The following RPS13 variants were observed in gnomAD, a reference collection of about 807,000 sequenced individuals.
The protein encoded by RPS13 is ribosomal protein S13, also known as small ribosomal subunit protein uS15.
RPS13 carries 1 observed loss-of-function variant against 24.6 expected under a neutral mutation model. The observed-to-expected ratio is 0.04, with a 90% confidence interval of 0.01 to 0.19. The LOEUF is 0.19. RPS13 is among the 10% of genes least tolerant of loss of function. RPS13 has a pLI of 1.00. For missense variants in RPS13, 88 were observed against 187.4 expected (o/e 0.47, Z 3.10); for synonymous variants, 69 against 65.3 (o/e 1.06, Z -0.27).
chr11:17,075,157 C>T lies in RPS13; in HGVS notation c.362G>A (p.Arg121Gln), dbSNP rs747066249. 3 of 1,610,910 alleles carry T rather than the reference C, an allele frequency of 1.9e-6. No homozygotes were observed. The highest frequency in any genetic ancestry group is 1.7e-5 in the Admixed American group (1 of 58,968). ...ATAATATCGAGCCAAACGGTGAATC[C>T]GGCTCTCTATTAGAATCAGACGGAA... The part of the protein sequence containing the change: ...AKFRLILIES[R>Q]IHRLARYYKT... The change falls in exon 5 of 6, where the codon CGG becomes CAG. Residue 121 changes from arginine to glutamine, a missense_variant. By Grantham distance (43) the Arg-to-Gln change is conservative. Coordinates refer to ENST00000525634, the MANE Select transcript of RPS13 (RefSeq NM_001017.3).
intron 3 of RPS13, chr11:17,076,877 A>G (rs1848031755): frequency 2.0e-6 from 1 of 495,360 alleles, no homozygotes; most frequent in African/African-American, 1.9e-5. Flanking sequence ...TGCTTAGCCA[A>G]TTCCAACTCC....
rs147452342 is a variant in RPS13 at position 17,074,420 on chromosome 11, T to A, written c.*13A>T. 9.6e-3 allele frequency: 15,405 copies of A among 1,601,000 alleles called. 710 individuals are homozygous for A. In the Admixed American group the frequency reaches 0.13, roughly 14 times the overall value. Reference sequence around the variant, plus strand: ...TTAAACAATCATTTTATTGCTTGAGTACACAGACAAATTTATGCGACCAGG... The same window carrying A: ...TTAAACAATCATTTTATTGCTTGAGAACACAGACAAATTTATGCGACCAGG... On this transcript the variant is annotated 3_prime_UTR_variant, in exon 6 of 6. Coordinates refer to ENST00000525634, the MANE Select transcript of RPS13 (RefSeq NM_001017.3).
chr11:17,074,587 T>C, intron 5 of RPS13, 121 bp from the exon 6 acceptor site: 1 of 812,128 alleles, frequency 1.2e-6, no homozygotes, highest in Non-Finnish European at 2.1e-6. Context: ...CCAAACTATA[T>C]AAAGTGCACC....
At chr11:17,075,428 G>A (rs61218696) in intron 4 of RPS13, 26 bp downstream of exon 4, 11 of 1,521,130 alleles carry the variant, frequency 7.2e-6, no homozygotes, top group Middle Eastern at 3.5e-4. Flanking sequence ...GTCCTACTTA[G>A]CACCAGGTTT....
intron 3 of RPS13, chr11:17,076,506 A>G: frequency 2.7e-6 from 1 of 367,018 alleles, no homozygotes. Flanking sequence ...CAGTGAGCTG[A>G]GATCGCGCCA....
chr11:17,076,967 G>A (rs2137238726), intron 3 of RPS13: 1 of 573,810 alleles, frequency 1.7e-6, no homozygotes, highest in Middle Eastern at 4.7e-4. Context: ...GTAAACTGGG[G>A]TGAAAGCCAT....
chr11:17,075,559 T>A lies in RPS13; in HGVS notation c.216A>T (p.Leu72Phe). The part of the protein sequence containing the change: ...QVRFVTGNKI[L>F]RILKSKGLAP... ...CAAGTCCCTTAGACTTAAGAATTCTTAAAATTTTATTGCCTGTCACAAAAC... is the reference window on the plus strand; with the variant it reads ...CAAGTCCCTTAGACTTAAGAATTCTAAAAATTTTATTGCCTGTCACAAAAC... The change falls in exon 4 of 6, where the codon TTA (leucine) becomes TTT (phenylalanine). Residue 72 changes from leucine to phenylalanine, a missense_variant. Transcript: ENST00000525634. 1.9e-6 allele frequency: 3 copies of A among 1,610,314 alleles called. No homozygotes were observed. Among genetic ancestry groups the A allele is most frequent in the Non-Finnish European group, 2.5e-6 (3 of 1,178,020 alleles).
rs757740706 is a variant in RPS13, at chr11:17,077,621, G to T, written c.21C>A (p.Pro7=). 6.2e-7 allele frequency: 1 copy of T among 1,603,488 alleles called. No individual in the cohort carries two copies. The stretch of plus-strand genomic sequence containing the variant: ...CCGGCTTGATGCCCCGAGCTCACCC[G>T]GGAGCATGCATGCGACCCATGATGG... MGRMHA[P]GKGLSQSALP... is the part of the protein sequence containing the mutation. The change falls in exon 1 of 6, where the codon CCC becomes CCA. Residue 7 remains proline (P), a splice_region_variant and synonymous_variant. Transcript: ENST00000525634.
In RPS13 at chr11:17,074,429, A is replaced by C; in HGVS notation, c.*4T>G. Reference sequence around the variant, plus strand: ...CATTTTATTGCTTGAGTACACAGACAAATTTATGCGACCAGGGCAGAGGCT... The same window carrying C: ...CATTTTATTGCTTGAGTACACAGACCAATTTATGCGACCAGGGCAGAGGCT... On this transcript the variant is annotated 3_prime_UTR_variant, in exon 6 of 6. Coordinates refer to ENST00000525634, the MANE Select transcript of RPS13 (RefSeq NM_001017.3). 3 of 1,609,788 alleles carry C rather than the reference A, an allele frequency of 1.9e-6. No homozygotes were observed. The highest frequency in any genetic ancestry group is 1.7e-6 in the Non-Finnish European group (2 of 1,176,232).
chr11:17,075,794 A>C (rs1341279591), intron 3 of RPS13, 171 bp from the exon 4 acceptor site: 1 of 698,054 alleles, frequency 1.4e-6, no homozygotes, highest in South Asian at 1.5e-5. Context: ...CAGACATCCA[A>C]GGAAGGTTTA....
rs561754466 is a variant in RPS13 at position 17,075,268 on chromosome 11, A to G, written c.322-71T>C. On this transcript the variant is annotated intron_variant, in intron 4 of 5. Transcript: ENST00000525634. ...CCTAACATTATCAAACATTAATAAGAGAATGTAGAGCTACCATGCACTTTC... is the reference window on the plus strand; with the variant it reads ...CCTAACATTATCAAACATTAATAAGGGAATGTAGAGCTACCATGCACTTTC... The G allele has an allele frequency of 6.7e-4, 771 of 1,151,524 alleles. 2 individuals are homozygous for G. Among genetic ancestry groups the G allele is most frequent in the Non-Finnish European group, 8.7e-4 (691 of 795,626 alleles). 71.3% of individuals were successfully genotyped at this position (1,151,524 alleles called of 1,614,324 possible).
rs1347873191 is a variant in RPS13 at position 17,077,480 on chromosome 11, G to A, written c.24-3C>T. 2.5e-6 allele frequency: 4 copies of A among 1,614,010 alleles called. No individual in the cohort carries two copies. Among genetic ancestry groups the A allele is most frequent in the East Asian group, 2.2e-5 (1 of 44,870 alleles). ...AAGCCGACTGGGACAGGCCCTTCCTGGGGAGAGAAGCAGTCTCGAGGTGAG... is the reference window on the plus strand; with the variant it reads ...AAGCCGACTGGGACAGGCCCTTCCTAGGGAGAGAAGCAGTCTCGAGGTGAG... On this transcript the variant is annotated splice_region_variant and splice_polypyrimidine_tract_variant and intron_variant, in intron 1 of 5. Transcript: ENST00000525634.
At chr11:17,075,972 C>A (rs1421429754) in intron 3 of RPS13, 1 of 382,986 alleles carries the variant, frequency 2.6e-6, no homozygotes, top group Non-Finnish European at 5.1e-6. Flanking sequence ...CACGTTATTT[C>A]TTTTAAACCT....
chr11:17,077,568 G>GTCT (rs746242498), intron 1 of RPS13, 51 bp downstream of exon 1: 1 of 1,603,340 alleles, frequency 6.2e-7, no homozygotes, highest in Non-Finnish European at 8.5e-7. Flanking sequence ...CACACTCCCT[G>GTCT]TCTTCCTCCC....
Position 17,075,178 on chromosome 11 carries a change from C to A in RPS13, c.341G>T (p.Arg114Leu). Residue 114 changes from arginine (R) to leucine (L), a missense_variant, in exon 5 of 6, where the codon CGT (arginine) becomes CTT (leucine). Physicochemically the swap from Arg to Leu is moderately radical, Grantham distance 102. Transcript: ENST00000525634. The stretch of plus-strand genomic sequence containing the variant: ...AATCCGGCTCTCTATTAGAATCAGA[C>A]GGAATTTAGCATCCTTATCCTAAAA... ...RNRKDKDAKF[R>L]LILIESRIHR... The A allele has an allele frequency of 6.2e-7, 1 of 1,602,994 alleles. No homozygotes were observed. Among genetic ancestry groups the A allele is most frequent in the Non-Finnish European group, 8.5e-7 (1 of 1,176,788 alleles).
At position 17,077,662 on chromosome 11, in the gene RPS13, G is replaced by T. The variant is rs1338801374; in HGVS notation, c.-21C>A. 3 of 1,613,070 alleles carry T rather than the reference G, an allele frequency of 1.9e-6. No homozygotes were observed. Among genetic ancestry groups the T allele is most frequent in the East Asian group, 2.2e-5 (1 of 44,870 alleles). On this transcript the variant is annotated 5_prime_UTR_variant, in exon 1 of 6. Transcript: ENST00000525634. ...CCCATGATGGCGGCGATCAGGCAAC[G>T]AAAGGAGAGCGAGAGTGGAAACGCC...
rs1272490412 is a variant in RPS13 at position 17,077,365 on chromosome 11, G to A, written c.72+64C>T. ...CACGCAAGTTCCTCACCCTGGCGTC[G>A]CTTCACCCGAGACAAATGCCAACCC... On this transcript the variant is annotated intron_variant, in intron 2 of 5. Coordinates refer to ENST00000525634, the MANE Select transcript of RPS13 (RefSeq NM_001017.3). The A allele has an allele frequency of 1.8e-5, 29 of 1,588,144 alleles. No homozygotes were observed. In the East Asian group the frequency reaches 6.1e-4, roughly 33 times the overall value.
intron 5 of RPS13, 198 bp from the exon 6 acceptor site, chr11:17,074,664 A>G (rs1541533): frequency 0.079 from 55,746 of 710,052 alleles, 2,775 homozygotes; most frequent in Admixed American, 0.14. Context: ...TCACTCAGAC[A>G]TCCAAGGAAG....
At position 17,075,158 on chromosome 11, in the gene RPS13, G is replaced by A. The variant is rs1422783324; in HGVS notation, c.361C>T (p.Arg121Trp). The A allele has an allele frequency of 6.2e-7, 1 of 1,610,798 alleles. No homozygotes were observed. The highest frequency in any genetic ancestry group is 8.5e-7 in the Non-Finnish European group (1 of 1,179,166). The part of the protein sequence containing the change: ...AKFRLILIES[R>W]IHRLARYYKT... Reference sequence around the variant, plus strand: ...TAATATCGAGCCAAACGGTGAATCCGGCTCTCTATTAGAATCAGACGGAAT... The same window carrying A: ...TAATATCGAGCCAAACGGTGAATCCAGCTCTCTATTAGAATCAGACGGAAT... The change falls in exon 5 of 6, where the codon CGG becomes TGG. Residue 121 changes from arginine to tryptophan, a missense_variant. By Grantham distance (101) the Arg-to-Trp change is moderately radical (BLOSUM62 -3). Coordinates refer to ENST00000525634, the MANE Select transcript of RPS13 (RefSeq NM_001017.3).
Sources: allele counts gnomAD v4.1 joint callset, GRCh38; gene constraint gnomAD v4.1.1; transcripts MANE v1.5; gene names NCBI Gene and HGNC (gene_info 2026-07-23, HGNC 2026-07-21).